The following PLD5 variants were observed in gnomAD, a reference collection of about 807,000 sequenced individuals.
The protein encoded by PLD5 is phospholipase D family member 5, also known as inactive phospholipase D5.
Under a neutral mutation model 61.1 loss-of-function variants are expected in PLD5, and 36 were observed. The ratio of observed to expected loss-of-function variants is 0.59; its 90% CI spans 0.45 to 0.78. The LOEUF is 0.78. Ranked by LOEUF, PLD5 falls within the 30% of genes least tolerant of loss-of-function variation. PLD5 has a pLI of 0.00. For synonymous variants in PLD5, 243 were observed against 242.8 expected (o/e 1.00, Z -0.01); for missense variants, 515 against 644.4 (o/e 0.80, Z 2.17).
At chr1:242,375,275 C>T (rs979655413) in intron 1 of PLD5, among the ~76,000 whole-genome samples, 9 of 152,130 alleles carry the variant, frequency 5.9e-5, no homozygotes, top group African/African-American at 1.7e-4. Flanking sequence ...GTCAGTCAGC[C>T]GTGCCGTCTG....
intron 2 of PLD5, among the ~76,000 whole-genome samples, chr1:242,344,748 A>T (rs1385018395): frequency 6.6e-6 from 1 of 151,918 alleles, no homozygotes; most frequent in Admixed American, 6.6e-5. Context: ...CACCGAATTT[A>T]TTCATTTCAC....
intron 4 of PLD5, among the ~76,000 whole-genome samples, chr1:242,247,146 G>T (rs973463382): frequency 6.6e-6 from 1 of 151,908 alleles, no homozygotes; most frequent in Non-Finnish European, 1.5e-5. Flanking sequence ...ACCATGCCCG[G>T]CTAATTTTTG....
At chr1:242,482,981 T>G (rs1667834162) in intron 1 of PLD5, among the ~76,000 whole-genome samples, 1 of 152,082 alleles carries the variant, frequency 6.6e-6, no homozygotes, top group South Asian at 2.1e-4. Flanking sequence ...GAAGGAGAAA[T>G]AAAATACTTT....
intron 1 of PLD5, among the ~76,000 whole-genome samples, chr1:242,362,175 G>A (rs1271855787): frequency 1.3e-5 from 2 of 151,960 alleles, no homozygotes; most frequent in Admixed American, 6.6e-5. Context: ...CACTTTTTAT[G>A]TGTACAGTTC....
intron 2 of PLD5, among the ~76,000 whole-genome samples, chr1:242,318,557 G>A (rs1038723424): frequency 3.9e-5 from 6 of 152,250 alleles, no homozygotes; most frequent in Non-Finnish European, 8.8e-5. Context: ...CTCGTACCTT[G>A]TGAATCCCGA....
intron 1 of PLD5, among the ~76,000 whole-genome samples, chr1:242,470,655 A>T (rs1667423618): frequency 6.6e-6 from 1 of 152,238 alleles, no homozygotes; most frequent in Non-Finnish European, 1.5e-5. Flanking sequence ...CACTACAAAT[A>T]TCAATACTCG....
intron 5 of PLD5, among the ~76,000 whole-genome samples, chr1:242,184,506 T>C (rs920668744): frequency 3.3e-5 from 5 of 152,116 alleles, no homozygotes; most frequent in African/African-American, 1.2e-4. Flanking sequence ...GTAGCTGGGG[T>C]TACAGGAGCC....
intron 1 of PLD5, among the ~76,000 whole-genome samples, chr1:242,482,961 C>A (rs1416706524): frequency 1.3e-5 from 2 of 151,924 alleles, no homozygotes; most frequent in African/African-American, 2.4e-5. Flanking sequence ...CCAAACTAAG[C>A]TTCATAAGTG....
At chr1:242,268,837 T>C (rs1307371160) in intron 3 of PLD5, among the ~76,000 whole-genome samples, 1 of 152,134 alleles carries the variant, frequency 6.6e-6, no homozygotes, top group Non-Finnish European at 1.5e-5. Context: ...TTACATTCAC[T>C]CATTTTTTTT....
intron 2 of PLD5, among the ~76,000 whole-genome samples, chr1:242,289,937 C>A: frequency 6.7e-6 from 1 of 149,606 alleles, no homozygotes; most frequent in Non-Finnish European, 1.5e-5. Flanking sequence ...AATATTATAA[C>A]CAGAATGGGC....
intron 5 of PLD5, among the ~76,000 whole-genome samples, chr1:242,129,101 C>A (rs1663034159): frequency 6.6e-6 from 1 of 152,154 alleles, no homozygotes; most frequent in Admixed American, 6.5e-5. Context: ...TTATCACCAT[C>A]AAGATGCAAC....
At chr1:242,232,682 GAAATACAA>G (rs1368814834) in intron 4 of PLD5, among the ~76,000 whole-genome samples, 2 of 151,366 alleles carry the variant, frequency 1.3e-5, no homozygotes, top group Non-Finnish European at 2.9e-5. Context: ...ATCTCTACTA[GAAATACAA>G]AAATGAGATG....
intron 2 of PLD5, among the ~76,000 whole-genome samples, chr1:242,318,455 G>A (rs938810380): frequency 1.1e-4 from 16 of 152,240 alleles, no homozygotes; most frequent in African/African-American, 3.4e-4. Context: ...GTGTGCTGAC[G>A]GGAGAGAGAA....
chr1:242,132,193 G>C lies in PLD5; in HGVS notation c.736-7528C>G, dbSNP rs1316741413. 3.1e-5 allele frequency among the ~76,000 whole-genome samples: 2 copies of C among 65,542 alleles called. 1 individual carries two copies. Among genetic ancestry groups the C allele is most frequent in the Admixed American group, 2.5e-4 (2 of 8,052 alleles). 43.0% of individuals were successfully genotyped at this position (65,542 alleles called of 152,430 possible). On this transcript the variant is annotated intron_variant, in intron 5 of 9. Coordinates refer to ENST00000536534, the MANE Select transcript of PLD5 (RefSeq NM_001372062.1). ...TCATCAAAGAGAATGCAGTGATTGC[G>C]GGGGGGGGGGGGGGCGGAATCATTT...
rs142340230 is a variant in PLD5 at position 242,388,279 on chromosome 1, A to T, written c.190-40037T>A. Among the ~76,000 whole-genome samples, 25 of 152,312 alleles carry T rather than the reference A, an allele frequency of 1.6e-4. 2 individuals are homozygous for T. The East Asian group carries it at 4.8e-3, about 29-fold the overall frequency. On this transcript the variant is annotated intron_variant, in intron 1 of 9. Coordinates refer to ENST00000536534, the MANE Select transcript of PLD5 (RefSeq NM_001372062.1). ...GAAAGTCAATGCTTTAGGAAAATGT[A>T]GGAGGATGGCTGTGCCGTGATGAGC... is the stretch of plus-strand genomic sequence containing the variant.
intron 1 of PLD5, chr1:242,377,230 C>A: frequency 6.2e-7 from 1 of 1,611,378 alleles, no homozygotes; most frequent in Non-Finnish European, 8.5e-7. Flanking sequence ...TAGGAAGAAC[C>A]ATCCGATTTG....
intron 1 of PLD5, among the ~76,000 whole-genome samples, chr1:242,447,703 C>T (rs1666602094): frequency 6.6e-6 from 1 of 152,186 alleles, no homozygotes; most frequent in Non-Finnish European, 1.5e-5. Context: ...GTTCCCATCG[C>T]ACCCTTCCAC....
intron 1 of PLD5, among the ~76,000 whole-genome samples, chr1:242,504,353 T>C (rs1347269146): frequency 1.3e-5 from 2 of 152,188 alleles, no homozygotes; most frequent in Non-Finnish European, 2.9e-5. Flanking sequence ...TAGACTAATA[T>C]GAGCATCAAC....
chr1:242,268,501 A>T (rs1305113645), intron 3 of PLD5, among the ~76,000 whole-genome samples: 1 of 152,214 alleles, frequency 6.6e-6, no homozygotes, highest in African/African-American at 2.4e-5. Context: ...CAGAACTCTC[A>T]CACATGAATG....
Sources: gnomAD v4.1 joint callset for allele counts (sites outside exome capture counted in the v4.1 genomes callset) on GRCh38, gnomAD v4.1.1 for gene constraint, MANE v1.5 for transcripts, NCBI Gene and HGNC (gene_info 2026-07-23, HGNC 2026-07-21) for gene names.